Variants in ESR2 observed in about 807,000 individuals in gnomAD.
ESR2 encodes estrogen receptor 2, also known as estrogen receptor beta.
A neutral mutation model predicts 49.6 loss-of-function variants in ESR2; 36 were observed. That is an observed-to-expected ratio of 0.73 (90% confidence interval 0.56 to 0.96). The LOEUF is 0.96. Among genes scored for constraint, ESR2 ranks in the 40% least tolerant of loss-of-function variants. The pLI is 0.00. For missense variants in ESR2, 714 were observed against 693.0 expected (o/e 1.03, Z -0.34); for synonymous variants, 320 against 266.1 (o/e 1.20, Z -1.97).
upstream of ESR2, among the ~76,000 whole-genome samples, chr14:64,299,003 A>G (rs182151104): frequency 2.1e-4 from 32 of 152,216 alleles, 1 homozygote; most frequent in East Asian, 5.2e-3. Context: ...AAAAAAAAAA[A>G]AAAAAGTTAT....
intron 1 of ESR2, among the ~76,000 whole-genome samples, chr14:64,292,070 A>T (rs1384999055): frequency 6.6e-6 from 1 of 152,180 alleles, no homozygotes; most frequent in African/African-American, 2.4e-5. Flanking sequence ...CTAAGAACTA[A>T]ATCTATTAGC....
chr14:64,316,382 C>G (rs1185362327), intron 1 of ESR2, among the ~76,000 whole-genome samples: 1 of 152,156 alleles, frequency 6.6e-6, no homozygotes, highest in Admixed American at 6.6e-5. Context: ...AGAATTCTAT[C>G]AAATCTTAAA....
Position 64,305,396 on chromosome 14 carries a change from C to T in ESR2, c.-90-22321G>A, listed in dbSNP as rs181250249. On this transcript the variant is annotated intron_variant, in intron 1 of 8. Coordinates refer to the ESR2 transcript ENST00000358599. The stretch of plus-strand genomic sequence containing the variant: ...TTAAAAATTATTATACTAGGCCGGG[C>T]GCAGTGGCTCACGCCTGTAATCCCA... 4.2e-3 allele frequency among the ~76,000 whole-genome samples: 634 copies of T among 151,804 alleles called. 4 individuals carry two copies. The highest frequency in any genetic ancestry group is 6.8e-3 in the Non-Finnish European group (464 of 67,936).
chr14:64,253,559 T>TG (rs1491254149), intron 6 of ESR2, among the ~76,000 whole-genome samples: 14 of 115,044 alleles, frequency 1.2e-4, no homozygotes, highest in African/African-American at 1.0e-4. Context: ...GGGTACACTA[T>TG]TTGTGTGTGT....
chr14:64,285,462 C>T (rs2076768491), intron 1 of ESR2, among the ~76,000 whole-genome samples: 2 of 152,014 alleles, frequency 1.3e-5, no homozygotes, highest in South Asian at 4.2e-4. Flanking sequence ...CTCATAGCAC[C>T]CCTTTAATCA....
Position 64,231,447 on chromosome 14 carries a change from G to C in ESR2, c.*1690C>G, listed in dbSNP as rs1034265381. ...TAAATCTTACTAAAGCTGTAACTGA[G>C]TCTCTAAGAATAACTTCAGACTGCC... On this transcript the variant is annotated 3_prime_UTR_variant, in exon 9 of 9. Coordinates refer to ENST00000341099, the MANE Select transcript of ESR2 (RefSeq NM_001437.3). 3 of 152,154 alleles carry C rather than the reference G, an allele frequency of 2.0e-5. No individual in the cohort carries two copies. Among genetic ancestry groups the C allele is most frequent in the Non-Finnish European group, 4.4e-5 (3 of 68,040 alleles). 9.4% of individuals were successfully genotyped at this position (152,154 alleles called of 1,614,324 possible).
At chr14:64,240,447 C>G (rs1354601850) in intron 7 of ESR2, among the ~76,000 whole-genome samples, 1 of 152,210 alleles carries the variant, frequency 6.6e-6, no homozygotes, top group Non-Finnish European at 1.5e-5. Context: ...ATTTGGTTCC[C>G]CGCTTGGTGG....
At chr14:64,244,483 T>C (rs547241544) in intron 7 of ESR2, among the ~76,000 whole-genome samples, 205 of 151,832 alleles carry the variant, frequency 1.4e-3, no homozygotes, top group Middle Eastern at 0.01. Flanking sequence ...TCCAATTGGC[T>C]GAGTGCCCAG....
intron 1 of ESR2, among the ~76,000 whole-genome samples, 153 bp downstream of exon 1, chr14:64,293,880 A>G (rs1448213023): frequency 6.6e-6 from 1 of 152,256 alleles, no homozygotes; most frequent in Non-Finnish European, 1.5e-5. Context: ...TAATCAAAGC[A>G]TGCATTTTCC....
intron 1 of ESR2, among the ~76,000 whole-genome samples, chr14:64,293,512 G>C (rs1334220379): frequency 6.6e-6 from 1 of 152,172 alleles, no homozygotes; most frequent in East Asian, 1.9e-4. Context: ...TAACACGCAG[G>C]GTGTTAGAGG....
chr14:64,246,241 G>A (rs1325687780), intron 7 of ESR2, among the ~76,000 whole-genome samples: 1 of 152,162 alleles, frequency 6.6e-6, no homozygotes, highest in Non-Finnish European at 1.5e-5. Flanking sequence ...TAATCCCCAT[G>A]TGTCAAGAGA....
At chr14:64,236,288 T>C (rs1264002481) in intron 7 of ESR2, among the ~76,000 whole-genome samples, 2 of 152,172 alleles carry the variant, frequency 1.3e-5, no homozygotes, top group Non-Finnish European at 2.9e-5. Flanking sequence ...ATCTTTTCAA[T>C]AGCCCTGAAG....
intron 1 of ESR2, among the ~76,000 whole-genome samples, chr14:64,315,546 C>T (rs1353627934): frequency 6.6e-6 from 1 of 151,974 alleles, no homozygotes; most frequent in Non-Finnish European, 1.5e-5. Flanking sequence ...GCCATCTTGA[C>T]TCACTGCAAC....
intron 7 of ESR2, among the ~76,000 whole-genome samples, chr14:64,238,822 T>A (rs1421525256): frequency 6.7e-6 from 1 of 149,634 alleles, no homozygotes; most frequent in Non-Finnish European, 1.5e-5. Context: ...GAAAGTGAAA[T>A]AAAATCAAGG....
rs563245329 is a variant in ESR2, at chr14:64,260,218, C to G, written c.952+231G>C. 2.1e-5 allele frequency: 16 copies of G among 746,338 alleles called. No homozygotes were observed. The East Asian group carries it at 3.5e-4, about 16-fold the overall frequency. The allele number at this position is 746,338 out of a possible 1,614,324, so 46.2% of individuals were successfully genotyped here. A position where few individuals can be genotyped will look rare whatever the true frequency, so the allele number is the denominator to read the frequency against. ...TCTTTCTGCACTACCATGTTGGGTACAGAACTCAGAAGAGTCTCAGAATTC... is the reference window on the plus strand; with the variant it reads ...TCTTTCTGCACTACCATGTTGGGTAGAGAACTCAGAAGAGTCTCAGAATTC... On this transcript the variant is annotated intron_variant, in intron 5 of 8. Transcript: ENST00000341099.
At chr14:64,294,620 G>A (rs1189628572), upstream of ESR2, among the ~76,000 whole-genome samples, 3 of 152,202 alleles carry the variant, frequency 2.0e-5, no homozygotes, top group African/African-American at 7.2e-5. Flanking sequence ...CTGAGAATAT[G>A]CATTTCCAAC....
At chr14:64,246,339 G>T (rs1241944127) in intron 7 of ESR2, among the ~76,000 whole-genome samples, 1 of 152,092 alleles carries the variant, frequency 6.6e-6, no homozygotes, top group Admixed American at 6.5e-5. Flanking sequence ...AGATGTGATG[G>T]TTATATAAGG....
intron 4 of ESR2, among the ~76,000 whole-genome samples, chr14:64,264,891 A>C (rs1400886439): frequency 1.4e-4 from 19 of 140,434 alleles, no homozygotes; most frequent in Admixed American, 7.0e-4. Context: ...AAAAAAAAAG[A>C]AAAAAAAAAA....
intron 1 of ESR2, among the ~76,000 whole-genome samples, chr14:64,331,232 A>G (rs903387448): frequency 6.6e-6 from 1 of 152,216 alleles, no homozygotes; most frequent in African/African-American, 2.4e-5. Context: ...ATATCAGACA[A>G]CCTAGACTAT....
Sources: allele counts gnomAD v4.1 joint callset (sites outside exome capture counted in the v4.1 genomes callset), GRCh38; gene constraint gnomAD v4.1.1; transcripts MANE v1.5; gene names NCBI Gene and HGNC (gene_info 2026-07-23, HGNC 2026-07-21).